Variants in ZNF90 observed in about 807,000 individuals in gnomAD.
ZNF90 encodes zinc finger protein HTF9.
ZNF90 carries 11 observed loss-of-function variants against 12.0 expected under a neutral mutation model. That is an observed-to-expected ratio of 0.92 (90% CI 0.58 to 1.52). ZNF90 has a LOEUF of 1.52. ZNF90 is among the 40% of genes most tolerant of loss of function. ZNF90 has a pLI of 0.00. For synonymous variants in ZNF90, 232 were observed against 240.1 expected (o/e 0.97, Z 0.31); for missense variants, 765 against 711.5 (o/e 1.08, Z -0.86).
intron 3 of ZNF90, among the ~76,000 whole-genome samples, chr19:20,114,465 T>C (rs66806267): frequency 0.12 from 17,582 of 152,176 alleles, 1,736 homozygotes; most frequent in East Asian, 0.52. Context: ...AGAGCATAAC[T>C]GATTTATATA....
intron 3 of ZNF90, among the ~76,000 whole-genome samples, chr19:20,115,510 T>G (rs1363591882): frequency 2.0e-5 from 3 of 151,504 alleles, no homozygotes; most frequent in Non-Finnish European, 4.4e-5. Context: ...CATGGGGGAT[T>G]CTATAAAAAC....
At position 20,119,470 on chromosome 19, in the gene ZNF90, T is replaced by G; in HGVS notation, c.*110T>G. 1.1e-6 allele frequency: 1 copy of G among 899,134 alleles called. No homozygotes were observed. The highest frequency in any genetic ancestry group is 2.7e-5 in the East Asian group (1 of 37,728). The allele number at this position is 899,134 out of a possible 1,614,324, so 55.7% of individuals were successfully genotyped here. On this transcript the variant is annotated 3_prime_UTR_variant, in exon 4 of 4. Transcript: ENST00000418063. ...ACCACCCCTCTACTCTTACTAAATA[T>G]GAGAATTTATATGAAACATAACTCC...
In ZNF90 at chr19:20,120,610, C is replaced by A. The variant is rs577586408; in HGVS notation, c.*1250C>A. On this transcript the variant is annotated 3_prime_UTR_variant, in exon 4 of 4. Transcript: ENST00000418063. ...CAGTAAATATAAAAAATATTTAATT[C>A]AAAATGAATTCCATGTAAATATCAG... Among the ~76,000 whole-genome samples the A allele has an allele frequency of 1.2e-4, 18 of 151,962 alleles. No individual in the cohort carries two copies. Among genetic ancestry groups the A allele is most frequent in the African/African-American group, 4.3e-4 (18 of 41,426 alleles).
At chr19:20,105,385 G>T (rs886268123) in intron 3 of ZNF90, 69 bp downstream of exon 3, 2 of 1,276,578 alleles carry the variant, frequency 1.6e-6, no homozygotes, top group Non-Finnish European at 2.2e-6. Context: ...AGAGAAAGCC[G>T]GTCCTTAAAA....
At chr19:20,082,933 C>T (rs1230352) in intron 1 of ZNF90, among the ~76,000 whole-genome samples, 1 of 152,002 alleles carries the variant, frequency 6.6e-6, no homozygotes, top group East Asian at 1.9e-4. Flanking sequence ...GGAGGTGAGA[C>T]GTGCTGGTGG....
At chr19:20,106,535 G>C (rs2089040125) in intron 3 of ZNF90, among the ~76,000 whole-genome samples, 1 of 152,144 alleles carries the variant, frequency 6.6e-6, no homozygotes, top group African/African-American at 2.4e-5. Flanking sequence ...CTCATTGCAA[G>C]CTCCGCCTCC....
intron 3 of ZNF90, among the ~76,000 whole-genome samples, chr19:20,117,143 A>G (rs563607951): frequency 2.6e-5 from 4 of 151,576 alleles, no homozygotes; most frequent in Admixed American, 6.6e-5. Context: ...CCACAGTTCA[A>G]GCAATTCTCC....
intron 3 of ZNF90, among the ~76,000 whole-genome samples, chr19:20,113,235 C>G (rs1429530950): frequency 1.3e-5 from 2 of 151,426 alleles, no homozygotes; most frequent in Admixed American, 6.6e-5. Context: ...GTTACCCAGG[C>G]TGGAGTACAA....
chr19:20,111,896 T>C (rs1555705178), intron 3 of ZNF90, among the ~76,000 whole-genome samples: 2 of 151,732 alleles, frequency 1.3e-5, no homozygotes, highest in African/African-American at 4.9e-5. Flanking sequence ...TCTCACTCTA[T>C]TGCCCAGGCT....
In ZNF90 at chr19:20,100,164, T is replaced by A. The variant is rs150317515; in HGVS notation, c.4-4075T>A. ...AATGGGGAACCTCAGGAGGACATAG[T>A]TTCCTCCCCTCAGGATGGCTAGCCA... On this transcript the variant is annotated intron_variant, in intron 1 of 3. Coordinates refer to ENST00000418063, the MANE Select transcript of ZNF90 (RefSeq NM_007138.2). 2.8e-4 allele frequency among the ~76,000 whole-genome samples: 42 copies of A among 152,220 alleles called. No homozygotes were observed. In the East Asian group the frequency reaches 8.1e-3, roughly 29 times the overall value.
chr19:20,104,418 T>C (rs1347705873), intron 2 of ZNF90, 53 bp downstream of exon 2: 1 of 1,527,226 alleles, frequency 6.5e-7, no homozygotes, highest in Non-Finnish European at 8.8e-7. Flanking sequence ...GTTGTTTTTA[T>C]GTTTTTTTGT....
rs1009529957 is a variant in ZNF90, at chr19:20,121,157, A to G, written c.*1797A>G. The G allele has an allele frequency of 8.3e-5, 18 of 217,022 alleles. No individual in the cohort carries two copies. Among genetic ancestry groups the G allele is most frequent in the Admixed American group, 5.5e-4 (10 of 18,256 alleles). The allele number at this position is 217,022 out of a possible 1,614,324, so 13.4% of individuals were successfully genotyped here. A position where few individuals can be genotyped will look rare whatever the true frequency, so the allele number is the denominator to read the frequency against. On this transcript the variant is annotated 3_prime_UTR_variant, in exon 4 of 4. Transcript: ENST00000418063. ...AATTTTATGTAATAAAATACACTAC[A>G]TTAAAAAATTGTTAGATTGTGTGTG...
intron 1 of ZNF90, among the ~76,000 whole-genome samples, chr19:20,102,933 G>A (rs1260480951): frequency 6.6e-5 from 10 of 152,180 alleles, no homozygotes; most frequent in African/African-American, 2.4e-4. Flanking sequence ...GGAGTTATCT[G>A]TACTTTGAAG....
chr19:20,084,246 G>A (rs753182269), intron 1 of ZNF90, among the ~76,000 whole-genome samples: 3 of 151,632 alleles, frequency 2.0e-5, no homozygotes, highest in Non-Finnish European at 4.4e-5. Context: ...TAGTAGAGAC[G>A]GGGTTTCACC....
intron 1 of ZNF90, 100 bp from the exon 2 acceptor site, chr19:20,104,139 A>AC (rs2089011168): frequency 1.3e-6 from 2 of 1,546,254 alleles, no homozygotes; most frequent in Admixed American, 3.8e-5. Flanking sequence ...GTAAGTCAGA[A>AC]CCAATTCTCT....
chr19:20,116,296 A>C (rs935613674), intron 3 of ZNF90, among the ~76,000 whole-genome samples: 2 of 152,002 alleles, frequency 1.3e-5, no homozygotes, highest in Non-Finnish European at 2.9e-5. Context: ...CAGCCTCCCA[A>C]GCAGCTTGGA....
intron 1 of ZNF90, among the ~76,000 whole-genome samples, chr19:20,098,699 G>A (rs2088966954): frequency 6.6e-6 from 1 of 152,216 alleles, no homozygotes; most frequent in Non-Finnish European, 1.5e-5. Context: ...CAGGGTCACT[G>A]AGAATTCTGT....
At chr19:20,083,497 TTG>T (rs2088836488) in intron 1 of ZNF90, among the ~76,000 whole-genome samples, 1 of 151,912 alleles carries the variant, frequency 6.6e-6, no homozygotes, top group Admixed American at 6.6e-5. Context: ...TTGGCTAATT[TTG>T]TGTTTTTAGT....
rs1003385385 is a variant in ZNF90, at chr19:20,090,366, C to T, written c.3+12231C>T. On this transcript the variant is annotated intron_variant, in intron 1 of 3. Coordinates refer to ENST00000418063, the MANE Select transcript of ZNF90 (RefSeq NM_007138.2). The stretch of plus-strand genomic sequence containing the variant: ...GGGTTATTACTGTTCTTCAGAAATA[C>T]GAGTGAGTTTAAGGGAAGTGGGGGA... 5.3e-5 allele frequency among the ~76,000 whole-genome samples: 8 copies of T among 151,462 alleles called. No individual in the cohort carries two copies. In the East Asian group the frequency reaches 5.8e-4, roughly 11 times the overall value.
Sources: gnomAD v4.1 joint callset for allele counts (sites outside exome capture counted in the v4.1 genomes callset) on GRCh38, gnomAD v4.1.1 for gene constraint, MANE v1.5 for transcripts, NCBI Gene and HGNC (gene_info 2026-07-23, HGNC 2026-07-21) for gene names.